The following DOCK10 variants were observed in gnomAD, a reference collection of about 807,000 sequenced individuals.
The protein encoded by DOCK10 is dedicator of cytokinesis 10.
DOCK10 carries 145 observed loss-of-function variants against 280.1 expected under a neutral mutation model. The observed-to-expected ratio is 0.52, with a 90% confidence interval of 0.45 to 0.59. The LOEUF is 0.59. DOCK10 is among the 20% of genes least tolerant of loss of function. The pLI, the probability that DOCK10 is intolerant of heterozygous loss-of-function variation, is 0.00. For synonymous variants in DOCK10, 915 were observed against 942.2 expected (o/e 0.97, Z 0.53); for missense variants, 2,368 against 2,651.7 (o/e 0.89, Z 2.35).
intron 22 of DOCK10, among the ~76,000 whole-genome samples, chr2:224,842,993 G>A (rs1189681468): frequency 6.6e-6 from 1 of 152,176 alleles, no homozygotes; most frequent in Non-Finnish European, 1.5e-5. Context: ...TGAAGGATGG[G>A]TAGGAACCAA....
chr2:224,870,238 T>C (rs960025696), intron 11 of DOCK10, among the ~76,000 whole-genome samples: 30 of 152,162 alleles, frequency 2.0e-4, no homozygotes, highest in African/African-American at 7.2e-4. Flanking sequence ...TCCCCTTCCA[T>C]GATGATTGTA....
chr2:224,919,957 C>G (rs1701595742), intron 2 of DOCK10, among the ~76,000 whole-genome samples: 1 of 152,164 alleles, frequency 6.6e-6, no homozygotes, highest in East Asian at 1.9e-4. Flanking sequence ...GCTACCAATT[C>G]AAACCAGGCA....
intron 1 of DOCK10, among the ~76,000 whole-genome samples, chr2:225,039,398 T>C (rs1690353598): frequency 6.6e-6 from 1 of 152,236 alleles, no homozygotes; most frequent in South Asian, 2.1e-4. Context: ...TGGGGAATTT[T>C]AGGATAATGA....
In DOCK10 at chr2:224,779,523, T is replaced by C. The variant is rs557576595; in HGVS notation, c.5656-1239A>G. 2.0e-5 allele frequency among the ~76,000 whole-genome samples: 3 copies of C among 152,200 alleles called. No homozygotes were observed. In the East Asian group the frequency reaches 5.8e-4, roughly 29 times the overall value. On this transcript the variant is annotated intron_variant, in intron 50 of 55. Transcript: ENST00000258390. ...TATCTGGTTTCTTCTAATTGTAGAG[T>C]TGACCCATAAGGAAATGCCTTTTGA...
intron 4 of DOCK10, among the ~76,000 whole-genome samples, chr2:224,891,637 A>G (rs190558362): frequency 6.6e-6 from 1 of 152,364 alleles, no homozygotes; most frequent in East Asian, 1.9e-4. Context: ...GAGAATACCA[A>G]TGAAGTCAAT....
At chr2:224,845,665 TG>T in intron 19 of DOCK10, 23 bp from the exon 20 acceptor site, 1 of 1,595,288 alleles carries the variant, frequency 6.3e-7, no homozygotes, top group South Asian at 1.1e-5. Context: ...AAACCATAGT[TG>T]GACTGAGATT....
intron 26 of DOCK10, among the ~76,000 whole-genome samples, 183 bp downstream of exon 26, chr2:224,833,967 T>C (rs1695421228): frequency 6.6e-6 from 1 of 152,192 alleles, no homozygotes; most frequent in African/African-American, 2.4e-5. Context: ...TACTTTTTTC[T>C]ATGTTGTCTC....
intron 47 of DOCK10, among the ~76,000 whole-genome samples, chr2:224,792,503 C>T (rs917407853): frequency 2.0e-5 from 3 of 152,128 alleles, no homozygotes; most frequent in African/African-American, 7.2e-5. Context: ...AGGCTGGTCT[C>T]GGACTTCTGA....
At chr2:224,782,180 A>G (rs893945991) in intron 50 of DOCK10, among the ~76,000 whole-genome samples, 2 of 152,140 alleles carry the variant, frequency 1.3e-5, no homozygotes, top group African/African-American at 2.4e-5. Flanking sequence ...GGAGAGCTAT[A>G]TCATGTCCCA....
chr2:224,846,176 C>T (rs1696337433), intron 19 of DOCK10, among the ~76,000 whole-genome samples: 1 of 152,162 alleles, frequency 6.6e-6, no homozygotes, highest in Non-Finnish European at 1.5e-5. Flanking sequence ...ATTTAGAATA[C>T]TTAGTGTTTC....
At chr2:224,787,483 T>C in intron 48 of DOCK10, 86 bp from the exon 49 acceptor site, 3 of 1,536,750 alleles carry the variant, frequency 2.0e-6, no homozygotes, top group Non-Finnish European at 1.8e-6. Flanking sequence ...TGTTGCATTG[T>C]CAAACTTTTC....
intron 2 of DOCK10, among the ~76,000 whole-genome samples, chr2:224,917,871 G>T (rs1207296374): frequency 6.6e-6 from 1 of 152,146 alleles, no homozygotes; most frequent in Non-Finnish European, 1.5e-5. Context: ...CACCTCAGTA[G>T]TTACAGGGAT....
At chr2:224,885,461 C>T (rs1699223366) in intron 7 of DOCK10, among the ~76,000 whole-genome samples, 1 of 152,130 alleles carries the variant, frequency 6.6e-6, no homozygotes, top group Non-Finnish European at 1.5e-5. Context: ...TGATTCCATT[C>T]TGCTTATTCA....
chr2:224,794,773 T>C (rs1184447328), intron 45 of DOCK10, 106 bp downstream of exon 45: 2 of 1,081,450 alleles, frequency 1.8e-6, no homozygotes, highest in African/African-American at 3.1e-5. Context: ...TCTAGATTAG[T>C]TGAAAAACAT....
In DOCK10 at chr2:224,956,625, GAAAAAAAAAAAAAA is replaced by G. The variant is rs3083983; in HGVS notation, c.124-24971_124-24958del. On this transcript the variant is annotated intron_variant, in intron 1 of 55. Transcript: ENST00000258390. ...GGCAACAGGGCGAGACGCTACCTCA[GAAAAAAAAAAAAAA>G]AAAAAAAAAAAGAGCATCGAAGTGA... Among the ~76,000 whole-genome samples, 34 of 78,652 alleles carry G rather than the reference GAAAAAAAAAAAAAA, an allele frequency of 4.3e-4. 1 individual carries two copies. The East Asian group carries it at 0.01, about 24-fold the overall frequency. The allele number at this position is 78,652 out of a possible 152,430, so 51.6% of individuals were successfully genotyped here.
intron 3 of DOCK10, among the ~76,000 whole-genome samples, chr2:224,901,000 C>T (rs988959779): frequency 1.3e-5 from 2 of 152,164 alleles, no homozygotes; most frequent in African/African-American, 4.8e-5. Flanking sequence ...GACTAGATGA[C>T]TCCTAAGAAT....
At chr2:225,013,451 G>T (rs568698277) in intron 1 of DOCK10, among the ~76,000 whole-genome samples, 2 of 152,264 alleles carry the variant, frequency 1.3e-5, no homozygotes, top group South Asian at 4.1e-4. Flanking sequence ...CACAAGTTTA[G>T]TTAAATCCCA....
intron 1 of DOCK10, among the ~76,000 whole-genome samples, chr2:224,951,241 A>T (rs1703708652): frequency 6.6e-6 from 1 of 152,180 alleles, no homozygotes; most frequent in Admixed American, 6.5e-5. Flanking sequence ...TTGTGAACAA[A>T]ATATATATAT....
chr2:224,903,803 A>G (rs1047708784), intron 3 of DOCK10, among the ~76,000 whole-genome samples: 2 of 152,136 alleles, frequency 1.3e-5, no homozygotes, highest in Non-Finnish European at 2.9e-5. Flanking sequence ...GGGGATTTTT[A>G]TTGTGGAGAA....
Sources: allele counts gnomAD v4.1 joint callset (sites outside exome capture counted in the v4.1 genomes callset), GRCh38; gene constraint gnomAD v4.1.1; transcripts MANE v1.5; gene names NCBI Gene and HGNC (gene_info 2026-07-23, HGNC 2026-07-21).